Variants in PCDH15 observed in about 807,000 individuals in gnomAD.
PCDH15 encodes the protein protocadherin related 15.
In PCDH15, 129 loss-of-function variants were observed where a neutral mutation model predicts 178.5. That is an observed-to-expected ratio of 0.72 (90% CI 0.63 to 0.84). The LOEUF (loss-of-function observed/expected upper bound fraction) is 0.84, where lower values mean the gene tolerates loss of function less well. PCDH15 is among the 40% of genes least tolerant of loss of function. The probability of loss-of-function intolerance (pLI) is 0.00; values close to 1 mark genes in which losing one functional copy is unlikely to be tolerated. For missense variants in PCDH15, 2,230 were observed against 2,099.9 expected, an observed-to-expected ratio of 1.06 and a Z score of -1.21; for synonymous variants, 800 against 732.0, an observed-to-expected ratio of 1.09 and a Z score of -1.50.
At chr10:55,378,618 AATTCT>A (rs1837455189) in intron 2 of PCDH15, among the ~76,000 whole-genome samples, 1 of 152,132 alleles carries the variant, frequency 6.6e-6, no homozygotes, top group Non-Finnish European at 1.5e-5. Flanking sequence ...TAAACAAAAA[AATTCT>A]ATAACCATTT....
chr10:54,162,940 C>T (rs2045861288), intron 13 of PCDH15, among the ~76,000 whole-genome samples: 1 of 151,600 alleles, frequency 6.6e-6, no homozygotes, highest in Admixed American at 6.6e-5. Flanking sequence ...TCTTTTTTGC[C>T]TCACCAGATG....
At chr10:54,192,062 C>A in intron 11 of PCDH15, among the ~76,000 whole-genome samples, 1 of 132,868 alleles carries the variant, frequency 7.5e-6, no homozygotes, top group Non-Finnish European at 1.6e-5. Flanking sequence ...GGAAGGCAGG[C>A]AGGCAGAAGG....
rs1315190764 is a variant in PCDH15, at chr10:55,158,158, ACT to A, written c.-80+8416_-80+8417del. Among the ~76,000 whole-genome samples, 837 of 149,792 alleles carry A rather than the reference ACT, an allele frequency of 5.6e-3. 6 individuals carry two copies. Among genetic ancestry groups the A allele is most frequent in the African/African-American group, 0.019 (777 of 40,960 alleles). On this transcript the variant is annotated intron_variant, in intron 2 of 5. Transcript: ENST00000458638. ...AGAAGTGAAGAAATTCATGTTTTAT[ACT>A]CACACACACACGCACACACATTTGT...
intron 17 of PCDH15, among the ~76,000 whole-genome samples, chr10:54,070,601 GT>G (rs201645141): frequency 6.6e-6 from 1 of 150,660 alleles, no homozygotes; most frequent in Non-Finnish European, 1.5e-5. Flanking sequence ...CATTGTTGTT[GT>G]TTTTTTTGAG....
intron 1 of PCDH15, among the ~76,000 whole-genome samples, chr10:55,242,199 G>C (rs952388560): frequency 6.6e-5 from 10 of 152,140 alleles, no homozygotes; most frequent in African/African-American, 2.4e-4. Context: ...TGTTGCTTCA[G>C]TTCAGTGTGT....
At chr10:53,936,425 T>C (rs1176599183) in intron 25 of PCDH15, among the ~76,000 whole-genome samples, 1 of 152,150 alleles carries the variant, frequency 6.6e-6, no homozygotes, top group Non-Finnish European at 1.5e-5. Context: ...GATTGAATGT[T>C]ATGACTCTGA....
chr10:55,196,812 G>T lies in PCDH15; in HGVS notation c.-155-30161C>A, dbSNP rs1840104989. On this transcript the variant is annotated intron_variant, in intron 1 of 5. Transcript: ENST00000458638. ...CATTTTTTTCAGTCTTACTCACGAT[G>T]AATTATTTAAATTATGACAATGCTT... 3.3e-5 allele frequency among the ~76,000 whole-genome samples: 5 copies of T among 151,904 alleles called. No homozygotes were observed. In the South Asian group the frequency reaches 1.0e-3, roughly 32 times the overall value.
At chr10:54,794,449 A>G (rs188011283) in intron 1 of PCDH15, among the ~76,000 whole-genome samples, 1 of 152,000 alleles carries the variant, frequency 6.6e-6, no homozygotes, top group African/African-American at 2.4e-5. Flanking sequence ...AAATTTTTCA[A>G]TAAACCTTAT....
intron 2 of PCDH15, among the ~76,000 whole-genome samples, chr10:54,607,706 A>T (rs1389389646): frequency 6.6e-6 from 1 of 151,934 alleles, no homozygotes; most frequent in African/African-American, 2.4e-5. Flanking sequence ...AATTTATATT[A>T]TCTTAATATA....
At chr10:55,280,850 A>C (rs542281257) in intron 1 of PCDH15, among the ~76,000 whole-genome samples, 9 of 152,182 alleles carry the variant, frequency 5.9e-5, no homozygotes, top group African/African-American at 2.2e-4. Flanking sequence ...ATGTGCTATG[A>C]AATATTAATG....
intron 2 of PCDH15, among the ~76,000 whole-genome samples, chr10:55,540,369 A>G (rs1841730210): frequency 6.6e-6 from 1 of 152,090 alleles, no homozygotes; most frequent in Non-Finnish European, 1.5e-5. Flanking sequence ...TTTAAATAAT[A>G]TGGGCATGAG....
At chr10:53,848,477 A>C (rs2078125200) in intron 28 of PCDH15, among the ~76,000 whole-genome samples, 1 of 152,110 alleles carries the variant, frequency 6.6e-6, no homozygotes, top group African/African-American at 2.4e-5. Context: ...GGAGAAAAAC[A>C]GATTATAATA....
At chr10:54,844,376 C>A (rs1458474308) in intron 3 of PCDH15, among the ~76,000 whole-genome samples, 2 of 151,990 alleles carry the variant, frequency 1.3e-5, no homozygotes, top group East Asian at 3.8e-4. Context: ...TGGAGCCCTG[C>A]TATTTATATA....
intron 2 of PCDH15, among the ~76,000 whole-genome samples, chr10:55,331,157 C>G (rs1844189050): frequency 6.6e-6 from 1 of 151,792 alleles, no homozygotes; most frequent in Non-Finnish European, 1.5e-5. Context: ...TTAAAAACTT[C>G]CTTTGCCAAA....
At chr10:54,124,357 T>C (rs947764367) in intron 15 of PCDH15, among the ~76,000 whole-genome samples, 5 of 152,124 alleles carry the variant, frequency 3.3e-5, no homozygotes, top group Non-Finnish European at 5.9e-5. Context: ...GAGTTAGTGT[T>C]TACTGAGTAC....
chr10:54,819,350 C>G (rs1953000594), intron 3 of PCDH15, among the ~76,000 whole-genome samples: 1 of 152,018 alleles, frequency 6.6e-6, no homozygotes, highest in Non-Finnish European at 1.5e-5. Context: ...CATATTTAAT[C>G]ATTTTCAATT....
chr10:54,105,290 ATATATAT>A (rs2094894467), intron 15 of PCDH15, among the ~76,000 whole-genome samples: 1 of 85,314 alleles, frequency 1.2e-5, no homozygotes, highest in Admixed American at 1.2e-4. Context: ...ATATATATAT[ATATATAT>A]ATATATATAT....
At chr10:55,523,274 T>C (rs1589108174) in intron 2 of PCDH15, among the ~76,000 whole-genome samples, 1 of 151,542 alleles carries the variant, frequency 6.6e-6, no homozygotes. Context: ...TTCACAGGTG[T>C]CATATATTTT....
At chr10:53,884,482 T>C (rs1045148737) in intron 26 of PCDH15, among the ~76,000 whole-genome samples, 1 of 152,154 alleles carries the variant, frequency 6.6e-6, no homozygotes, top group African/African-American at 2.4e-5. Flanking sequence ...CAAGCCCCCA[T>C]GCAGAGTTCG....
Sources: gnomAD v4.1 joint callset for allele counts (sites outside exome capture counted in the v4.1 genomes callset) on GRCh38, gnomAD v4.1.1 for gene constraint, MANE v1.5 for transcripts, NCBI Gene and HGNC (gene_info 2026-07-23, HGNC 2026-07-21) for gene names.